EPHB1: variants seen among roughly 807,000 people sequenced by gnomAD.
EPHB1 encodes the protein EPH receptor B1.
Under a neutral mutation model 94.4 loss-of-function variants are expected in EPHB1, and 30 were observed. That is an observed-to-expected ratio of 0.32 (90% CI 0.24 to 0.43). The LOEUF is 0.43. Ranked by LOEUF, EPHB1 falls within the 20% of genes least tolerant of loss-of-function variation. The probability of loss-of-function intolerance (pLI) is 1.00; values close to 1 mark genes in which losing one functional copy is unlikely to be tolerated. For missense variants in EPHB1, 1,055 were observed against 1,308.3 expected (o/e 0.81, Z 2.99); for synonymous variants, 522 against 489.1 (o/e 1.07, Z -0.89).
chr3:135,122,939 A>G (rs1235171125), intron 4 of EPHB1, among the ~76,000 whole-genome samples: 1 of 152,152 alleles, frequency 6.6e-6, no homozygotes, highest in East Asian at 1.9e-4. Flanking sequence ...AATGAGCAAC[A>G]CGTGCAGACT....
chr3:134,864,005 G>A (rs73214889), intron 1 of EPHB1, among the ~76,000 whole-genome samples: 1 of 152,142 alleles, frequency 6.6e-6, no homozygotes, highest in East Asian at 1.9e-4. Flanking sequence ...CAGCATACCC[G>A]CTGGTGTCAG....
intron 1 of EPHB1, among the ~76,000 whole-genome samples, chr3:134,858,265 CCTATT>C (rs1298914241): frequency 1.3e-5 from 2 of 151,980 alleles, no homozygotes; most frequent in East Asian, 3.9e-4. Flanking sequence ...GCCCCAGAAG[CCTATT>C]CTATTACCAT....
At chr3:135,090,056 T>G (rs1938498919) in intron 3 of EPHB1, among the ~76,000 whole-genome samples, 1 of 152,236 alleles carries the variant, frequency 6.6e-6, no homozygotes, top group South Asian at 2.1e-4. Context: ...GAGGACATAG[T>G]GCACTCTGGA....
At chr3:134,869,000 C>T (rs1185827977) in intron 1 of EPHB1, among the ~76,000 whole-genome samples, 1 of 152,244 alleles carries the variant, frequency 6.6e-6, no homozygotes, top group South Asian at 2.1e-4. Context: ...ATCTCTGCCT[C>T]TTACAAGTTT....
At chr3:135,085,638 C>A (rs1263407204) in intron 3 of EPHB1, among the ~76,000 whole-genome samples, 6 of 152,180 alleles carry the variant, frequency 3.9e-5, no homozygotes, top group Non-Finnish European at 8.8e-5. Flanking sequence ...CTCTTCTTGT[C>A]CTGAGGACCC....
At chr3:134,812,894 G>A (rs1578105841) in intron 1 of EPHB1, among the ~76,000 whole-genome samples, 2 of 152,116 alleles carry the variant, frequency 1.3e-5, no homozygotes, top group South Asian at 2.1e-4. Flanking sequence ...TATATTCTCC[G>A]ATGAAATGGA....
chr3:134,863,401 A>G (rs892513293), intron 1 of EPHB1, among the ~76,000 whole-genome samples: 1 of 152,154 alleles, frequency 6.6e-6, no homozygotes, highest in Non-Finnish European at 1.5e-5. Context: ...GGTAGCTCAC[A>G]CCTGTAATCC....
chr3:135,080,682 G>A (rs1938133474), intron 3 of EPHB1, among the ~76,000 whole-genome samples: 1 of 152,072 alleles, frequency 6.6e-6, no homozygotes, highest in South Asian at 2.1e-4. Context: ...GTCATGGCAG[G>A]AAGCTTCAAA....
intron 3 of EPHB1, among the ~76,000 whole-genome samples, chr3:135,041,750 A>G (rs574112086): frequency 6.6e-6 from 1 of 152,336 alleles, no homozygotes; most frequent in Admixed American, 6.5e-5. Context: ...AATTTATAAT[A>G]AACAAAAATT....
intron 3 of EPHB1, among the ~76,000 whole-genome samples, chr3:135,074,785 C>T (rs955644374): frequency 6.6e-6 from 1 of 152,114 alleles, no homozygotes; most frequent in African/African-American, 2.4e-5. Context: ...CCAATCCTTA[C>T]ATTTTGGGGA....
intron 3 of EPHB1, among the ~76,000 whole-genome samples, chr3:134,967,186 A>G (rs1461187064): frequency 6.6e-6 from 1 of 152,236 alleles, no homozygotes; most frequent in Non-Finnish European, 1.5e-5. Context: ...AGTAAGTGCT[A>G]TGCACATTGA....
chr3:135,143,411 G>A (rs1030146239), intron 5 of EPHB1, among the ~76,000 whole-genome samples: 1 of 152,116 alleles, frequency 6.6e-6, no homozygotes, highest in Non-Finnish European at 1.5e-5. Context: ...CCTGCCCAGC[G>A]TTGGTGGCAG....
chr3:135,048,224 C>CTTTTT (rs71157318), intron 3 of EPHB1, among the ~76,000 whole-genome samples: 4 of 109,022 alleles, frequency 3.7e-5, no homozygotes, highest in Non-Finnish European at 5.4e-5. Flanking sequence ...AAAAAATACT[C>CTTTTT]TTTTTTTTTT....
chr3:134,879,746 A>G (rs147848730), intron 1 of EPHB1, among the ~76,000 whole-genome samples: 22 of 152,328 alleles, frequency 1.4e-4, no homozygotes, highest in Admixed American at 9.8e-4. Flanking sequence ...TCTGGTAGAG[A>G]TAAGACAGGT....
At chr3:134,926,134 G>A (rs1040106971) in intron 2 of EPHB1, among the ~76,000 whole-genome samples, 1 of 152,176 alleles carries the variant, frequency 6.6e-6, no homozygotes, top group East Asian at 1.9e-4. Context: ...TAGGGCCATC[G>A]CTGTGTGGGG....
At chr3:134,804,071 A>ATTTTTTTTTTTTTTT (rs572201781) in intron 1 of EPHB1, among the ~76,000 whole-genome samples, 1 of 43,750 alleles carries the variant, frequency 2.3e-5, no homozygotes, top group African/African-American at 9.5e-5. Flanking sequence ...ATTATTGGCT[A>ATTTTTTTTTTTTTTT]TTTTTTTTTT....
intron 1 of EPHB1, among the ~76,000 whole-genome samples, chr3:134,893,458 C>A (rs1056920739): frequency 1.3e-5 from 2 of 152,130 alleles, no homozygotes; most frequent in Admixed American, 6.5e-5. Context: ...GATCTCCCAC[C>A]CCTCTCTCCA....
chr3:135,098,344 G>C (rs116281922), intron 3 of EPHB1, among the ~76,000 whole-genome samples: 1 of 130,130 alleles, frequency 7.7e-6, no homozygotes, highest in Non-Finnish European at 1.6e-5. Flanking sequence ...ATGTTTGAGT[G>C]TGTGTGTGTG....
At chr3:135,199,827 A>G (rs564389729) in intron 11 of EPHB1, among the ~76,000 whole-genome samples, 10 of 152,300 alleles carry the variant, frequency 6.6e-5, no homozygotes, top group South Asian at 6.2e-4. Flanking sequence ...TATTTTTATA[A>G]CAGGTCTTTT....
Sources: gnomAD v4.1 joint callset for allele counts (sites outside exome capture counted in the v4.1 genomes callset) on GRCh38, gnomAD v4.1.1 for gene constraint, MANE v1.5 for transcripts, NCBI Gene and HGNC (gene_info 2026-07-23, HGNC 2026-07-21) for gene names.